Variants in EP300 observed in about 807,000 individuals in gnomAD.
EP300 encodes EP300 lysine acetyltransferase.
A neutral mutation model predicts 264.0 loss-of-function variants in EP300; 31 were observed. That is an observed-to-expected ratio of 0.12 (90% confidence interval 0.09 to 0.16). The LOEUF is 0.16. Among genes scored for constraint, EP300 ranks in the 10% least tolerant of loss-of-function variants. EP300 has a pLI of 1.00. For missense variants in EP300, 2,766 were observed against 3,052.9 expected (o/e 0.91, Z 2.21); for synonymous variants, 1,340 against 1,045.4 (o/e 1.28, Z -5.44).
intron 2 of EP300, among the ~76,000 whole-genome samples, chr22:41,121,253 G>A (rs2058850675): frequency 6.6e-6 from 1 of 152,028 alleles, no homozygotes; most frequent in South Asian, 2.1e-4. Flanking sequence ...CTCCTTTTTA[G>A]TTTAGGTAGC....
chr22:41,178,812 G>A lies in EP300; in HGVS notation c.7101G>A (p.Pro2367=), dbSNP rs377059599. 77 of 1,614,070 alleles carry A rather than the reference G, an allele frequency of 4.8e-5. No homozygotes were observed. The East Asian group carries it at 5.6e-4, about 12-fold the overall frequency. The change falls in exon 31 of 31, where the codon CCG becomes CCA. Residue 2367 remains proline (P), a synonymous_variant. Coordinates refer to ENST00000263253, the MANE Select transcript of EP300 (RefSeq NM_001429.4). Reference sequence around the variant, plus strand: ...TGGAACAAGGGCATTTTGCCAGCCCGGACCAGAATTCAATGCTTTCTCAGC... The same window carrying A: ...TGGAACAAGGGCATTTTGCCAGCCCAGACCAGAATTCAATGCTTTCTCAGC... The part of the protein sequence containing the change: ...NPMEQGHFAS[P]DQNSMLSQLA...
At chr22:41,165,826 A>G (rs180970365) in intron 22 of EP300, among the ~76,000 whole-genome samples, 2 of 151,592 alleles carry the variant, frequency 1.3e-5, no homozygotes, top group East Asian at 2.0e-4. Flanking sequence ...CTGGAGTGCA[A>G]TGGTGTGATC....
Position 41,092,799 on chromosome 22 carries a change from G to A in EP300, c.-206G>A. On this transcript the variant is annotated 5_prime_UTR_variant, in exon 1 of 31. Transcript: ENST00000263253. Reference sequence around the variant, plus strand: ...GGCTTGGGCCCAGGCCCGGCCCCTCGCACTTGCCCTTACCTTTTCTATCGA... The same window carrying A: ...GGCTTGGGCCCAGGCCCGGCCCCTCACACTTGCCCTTACCTTTTCTATCGA... 1 of 644,722 alleles carries A rather than the reference G, an allele frequency of 1.6e-6. No homozygotes were observed. Among genetic ancestry groups the A allele is most frequent in the Non-Finnish European group, 2.8e-6 (1 of 356,896 alleles). The allele number at this position is 644,722 out of a possible 1,614,324, so 39.9% of individuals were successfully genotyped here.
intron 23 of EP300, among the ~76,000 whole-genome samples, chr22:41,167,560 T>TTGTGTGTGTGTG (rs71328777): frequency 7.4e-4 from 38 of 51,114 alleles, no homozygotes; most frequent in African/African-American, 2.7e-3. Context: ...GTTTATATAT[T>TTGTGTGTGTGTG]TGTGTGTGTG....
rs1340775159 is a variant in EP300 at position 41,162,753 on chromosome 22, A to T, written c.3702A>T (p.Arg1234Ser). ...TTINKEQFSK[R>S]KNDTLDPELF... is the part of the protein sequence containing the mutation. ...TAAATAAAGAACAATTTTCCAAGAG[A>T]AAAAATGACACACTGGATCCTGAAC... Residue 1234 changes from arginine (R) to serine (S), a missense_variant, in exon 21 of 31, where the codon AGA becomes AGT. Physicochemically the swap from Arg to Ser is moderately radical, Grantham distance 110. Coordinates refer to ENST00000263253, the MANE Select transcript of EP300 (RefSeq NM_001429.4). The T allele has an allele frequency of 1.2e-6, 2 of 1,612,694 alleles. No individual in the cohort carries two copies. The highest frequency in any genetic ancestry group is 1.7e-6 in the Non-Finnish European group (2 of 1,178,786).
In EP300 at chr22:41,126,656, T is replaced by C. The variant is rs1254087998; in HGVS notation, c.906+616T>C. Among the ~76,000 whole-genome samples, 3 of 151,702 alleles carry C rather than the reference T, an allele frequency of 2.0e-5. No individual in the cohort carries two copies. The East Asian group carries it at 5.8e-4, about 29-fold the overall frequency. Reference sequence around the variant, plus strand: ...CATTATGTTTATGGACTGCCTATATTTGAGATACTCTGCCAAGTACTGGAG... The same window carrying C: ...CATTATGTTTATGGACTGCCTATATCTGAGATACTCTGCCAAGTACTGGAG... On this transcript the variant is annotated intron_variant, in intron 3 of 30. Coordinates refer to ENST00000263253, the MANE Select transcript of EP300 (RefSeq NM_001429.4).
chr22:41,140,563 T>C (rs2058976536), intron 9 of EP300, among the ~76,000 whole-genome samples: 1 of 152,016 alleles, frequency 6.6e-6, no homozygotes, highest in African/African-American at 2.4e-5. Flanking sequence ...TCCCAGCAGT[T>C]TGAAAGTCTG....
In EP300 at chr22:41,177,712, C is replaced by T. The variant is rs1210404526; in HGVS notation, c.6001C>T (p.Pro2001Ser). Residue 2001 changes from proline (P) to serine (S), a missense_variant, in exon 31 of 31, where the codon CCT becomes TCT. Transcript: ENST00000263253. Reference protein sequence around the residue: ...QQPPWSQGGLPQPQQLQSGMP... With the variant: ...QQPPWSQGGLSQPQQLQSGMP... ...GCCACCCTGGAGCCAAGGAGGATTG[C>T]CTCAGCCCCAGCAACTACAGTCTGG... The T allele has an allele frequency of 3.1e-6, 5 of 1,613,760 alleles. No individual in the cohort carries two copies. Among genetic ancestry groups the T allele is most frequent in the South Asian group, 2.2e-5 (2 of 91,086 alleles).
chr22:41,179,770 A>AAAATT lies in EP300; in HGVS notation c.*818_*822dup, dbSNP rs1453211107. On this transcript the variant is annotated 3_prime_UTR_variant, in exon 31 of 31. Transcript: ENST00000263253. ...TTATTTTTACATCTAACAAAGTAAA[A>AAAATT]AAATTAAAAAGAGGGTAAGAAACGA... 1 of 231,472 alleles carries AAAATT rather than the reference A, an allele frequency of 4.3e-6. No individual in the cohort carries two copies. The highest frequency in any genetic ancestry group is 5.7e-5 in the Admixed American group (1 of 17,678). 14.3% of individuals were successfully genotyped at this position (231,472 alleles called of 1,614,324 possible). A position where few individuals can be genotyped will look rare whatever the true frequency, so the allele number is the denominator to read the frequency against.
At chr22:41,108,953 A>C (rs2058773267) in intron 1 of EP300, among the ~76,000 whole-genome samples, 1 of 152,036 alleles carries the variant, frequency 6.6e-6, no homozygotes, top group South Asian at 2.1e-4. Flanking sequence ...TAAATATCTT[A>C]AGAGCTCACC....
chr22:41,108,761 C>T (rs980143625), intron 1 of EP300, among the ~76,000 whole-genome samples: 1 of 152,130 alleles, frequency 6.6e-6, no homozygotes, highest in African/African-American at 2.4e-5. Context: ...TAGAAGCAGC[C>T]TGGTGATGTT....
At position 41,164,205 on chromosome 22, in the gene EP300, A is replaced by G. The variant is rs557983656; in HGVS notation, c.3806+75A>G. The G allele has an allele frequency of 1.1e-5, 14 of 1,261,152 alleles. No individual in the cohort carries two copies. The East Asian group carries it at 1.6e-4, about 15-fold the overall frequency. 78.1% of individuals were successfully genotyped at this position (1,261,152 alleles called of 1,614,324 possible). A position where few individuals can be genotyped will look rare whatever the true frequency, so the allele number is the denominator to read the frequency against. On this transcript the variant is annotated intron_variant, in intron 22 of 30. Transcript: ENST00000263253. ...ATTAACAAGTTTTTTATTCTATGCA[A>G]TTGACTGTATTATATCTTCAAAGTT...
chr22:41,144,672 TAAAA>T (rs2059001097), intron 10 of EP300, among the ~76,000 whole-genome samples: 1 of 152,088 alleles, frequency 6.6e-6, no homozygotes. Flanking sequence ...ATATTTATCT[TAAAA>T]AATAGTATCA....
chr22:41,171,419 C>T (rs2059170157), intron 27 of EP300, among the ~76,000 whole-genome samples: 1 of 152,180 alleles, frequency 6.6e-6, no homozygotes, highest in African/African-American at 2.4e-5. Context: ...TCATTGCAAC[C>T]TGTGCCTCCC....
chr22:41,122,136 G>GT (rs869268586), intron 2 of EP300, among the ~76,000 whole-genome samples: 2 of 96,286 alleles, frequency 2.1e-5, no homozygotes, highest in East Asian at 6.6e-4. Context: ...AATCAAGAAG[G>GT]TTTTTTTCTT....
At chr22:41,167,584 G>GTGTGTA (rs869093144) in intron 23 of EP300, among the ~76,000 whole-genome samples, 3 of 34,486 alleles carry the variant, frequency 8.7e-5, no homozygotes, top group Non-Finnish European at 9.6e-5. Flanking sequence ...GTGTGTGTGT[G>GTGTGTA]TATATATATA....
intron 26 of EP300, 40 bp downstream of exon 26, chr22:41,169,656 C>A: frequency 8.5e-7 from 1 of 1,183,282 alleles, no homozygotes; most frequent in Non-Finnish European, 1.3e-6. Flanking sequence ...CTTTAACTAG[C>A]ATGGCATTCT....
At chr22:41,123,309 C>G (rs1301327914) in intron 2 of EP300, among the ~76,000 whole-genome samples, 1 of 151,924 alleles carries the variant, frequency 6.6e-6, no homozygotes, top group Non-Finnish European at 1.5e-5. Context: ...ATGCTGGAGG[C>G]TCAAGGAGCG....
In EP300 at chr22:41,100,230, C is replaced by G. The variant is rs555145513; in HGVS notation, c.94+7132C>G. 9.1e-4 allele frequency among the ~76,000 whole-genome samples: 139 copies of G among 152,206 alleles called. 1 individual carries two copies. Among genetic ancestry groups the G allele is most frequent in the Admixed American group, 2.1e-3 (32 of 15,288 alleles). ...CCAGCCTAGGTGACATAGCAAGACT[C>G]TGTTTCTAAAACAACAAAAATTAGT... On this transcript the variant is annotated intron_variant, in intron 1 of 30. Coordinates refer to ENST00000263253, the MANE Select transcript of EP300 (RefSeq NM_001429.4).
Sources: allele counts gnomAD v4.1 joint callset (sites outside exome capture counted in the v4.1 genomes callset), GRCh38; gene constraint gnomAD v4.1.1; transcripts MANE v1.5; gene names NCBI Gene and HGNC (gene_info 2026-07-23, HGNC 2026-07-21).